The following ZCCHC7 variants were observed in gnomAD, a reference collection of about 807,000 sequenced individuals.
The protein encoded by ZCCHC7 is zinc finger CCHC domain-containing protein 7.
In ZCCHC7, 35 loss-of-function variants were observed where a neutral mutation model predicts 52.0. That is an observed-to-expected ratio of 0.67 (90% CI 0.51 to 0.89). The LOEUF is 0.89. Among genes scored for constraint, ZCCHC7 ranks in the 40% least tolerant of loss-of-function variants. ZCCHC7 has a pLI of 0.00. For synonymous variants in ZCCHC7, 217 were observed against 221.5 expected, an observed-to-expected ratio of 0.98 and a Z score of 0.18; for missense variants, 574 against 649.1, an observed-to-expected ratio of 0.88 and a Z score of 1.26.
chr9:37,228,784 T>A (rs893064320), intron 2 of ZCCHC7, among the ~76,000 whole-genome samples: 2 of 151,662 alleles, frequency 1.3e-5, no homozygotes, highest in Non-Finnish European at 2.9e-5. Context: ...TATTTCTGCA[T>A]ACTTCTACCC....
chr9:37,220,464 C>CGAAATAACCTTCAGGAGAATAA (rs1824750236), intron 2 of ZCCHC7, among the ~76,000 whole-genome samples: 4 of 152,128 alleles, frequency 2.6e-5, no homozygotes, highest in Non-Finnish European at 5.9e-5. Context: ...ATAACCTGAA[C>CGAAATAACCTTCAGGAGAATAA]CCGGGAGGCG....
At chr9:37,224,214 AT>A (rs1213642786) in intron 2 of ZCCHC7, among the ~76,000 whole-genome samples, 1 of 152,146 alleles carries the variant, frequency 6.6e-6, no homozygotes, top group Non-Finnish European at 1.5e-5. Context: ...TTACAAAATC[AT>A]TTTTAATACA....
chr9:37,182,415 C>T (rs964129831), intron 2 of ZCCHC7, among the ~76,000 whole-genome samples: 1 of 149,194 alleles, frequency 6.7e-6, no homozygotes, highest in African/African-American at 2.5e-5. Context: ...TAGTTTCGCT[C>T]TGTCACCTAG....
intron 2 of ZCCHC7, among the ~76,000 whole-genome samples, chr9:37,210,178 G>A (rs940565597): frequency 2.0e-5 from 3 of 152,086 alleles, no homozygotes; most frequent in African/African-American, 7.2e-5. Context: ...TTGTCAGGAA[G>A]GGTGTTGTGT....
intron 2 of ZCCHC7, among the ~76,000 whole-genome samples, chr9:37,236,338 T>C (rs1825646685): frequency 6.6e-6 from 1 of 152,178 alleles, no homozygotes; most frequent in Non-Finnish European, 1.5e-5. Flanking sequence ...CCATGTTATA[T>C]TTTAAAATAT....
intron 7 of ZCCHC7, 30 bp downstream of exon 7, chr9:37,349,482 C>A: frequency 6.3e-7 from 1 of 1,595,324 alleles, no homozygotes; most frequent in Non-Finnish European, 8.6e-7. Context: ...GGGCATGAAG[C>A]ATTCTGTTGT....
chr9:37,149,957 G>A (rs1323794209), intron 2 of ZCCHC7, among the ~76,000 whole-genome samples: 3 of 152,156 alleles, frequency 2.0e-5, no homozygotes, highest in South Asian at 2.1e-4. Flanking sequence ...ACTGCTTGAC[G>A]CAAACATTTT....
chr9:37,259,001 G>A (rs1826736182), intron 2 of ZCCHC7, among the ~76,000 whole-genome samples: 2 of 152,158 alleles, frequency 1.3e-5, no homozygotes, highest in Admixed American at 6.5e-5. Context: ...AAGCAGAGGA[G>A]TTTTGTAAGA....
At chr9:37,267,566 C>CTTTT (rs983055913) in intron 2 of ZCCHC7, among the ~76,000 whole-genome samples, 5 of 115,282 alleles carry the variant, frequency 4.3e-5, no homozygotes, top group Non-Finnish European at 7.1e-5. Flanking sequence ...CTAATTTTTT[C>CTTTT]TTTTTTTTTT....
chr9:37,195,691 A>C (rs574902113), intron 2 of ZCCHC7, among the ~76,000 whole-genome samples: 51 of 152,330 alleles, frequency 3.3e-4, no homozygotes, highest in African/African-American at 1.2e-3. Flanking sequence ...TTGTTTTGGG[A>C]GGCATATTTA....
rs546714255 is a variant in ZCCHC7 at position 37,279,034 on chromosome 9, A to T, written c.611-23154A>T. Among the ~76,000 whole-genome samples, 5 of 152,288 alleles carry T rather than the reference A, an allele frequency of 3.3e-5. No homozygotes were observed. In the East Asian group the frequency reaches 9.6e-4, roughly 29 times the overall value. ...TCTCTATTAAAAAAATTAAATTTAA[A>T]AGAGAAAGAATTTGTTGCCAGCTAC... On this transcript the variant is annotated intron_variant, in intron 2 of 8. Transcript: ENST00000336755.
chr9:37,247,286 A>G (rs1228342843), intron 2 of ZCCHC7, among the ~76,000 whole-genome samples: 1 of 152,190 alleles, frequency 6.6e-6, no homozygotes, highest in Non-Finnish European at 1.5e-5. Flanking sequence ...AAATGTAGTG[A>G]TATCAAGTAA....
rs747687477 is a variant in ZCCHC7 at position 37,126,569 on chromosome 9, TAGTG to T, written c.240_243del (p.Ser80ArgfsTer68). 3.1e-6 allele frequency: 5 copies of T among 1,614,180 alleles called. No individual in the cohort carries two copies. The highest frequency in any genetic ancestry group is 4.2e-6 in the Non-Finnish European group (5 of 1,180,032). ...AGAAGAAGCTAATCGTCCTTTCAGATAGTGAGGTCATCCAGCTGTCAGATGGGTC... is the reference window on the plus strand; with the variant it reads ...AGAAGAAGCTAATCGTCCTTTCAGATAGGTCATCCAGCTGTCAGATGGGTC... On this transcript the variant is annotated frameshift_variant, in exon 2 of 9. Transcript: ENST00000336755. LOFTEE classifies it high-confidence loss of function.
intron 2 of ZCCHC7, among the ~76,000 whole-genome samples, chr9:37,250,011 A>C (rs1409134942): frequency 7.2e-6 from 1 of 138,012 alleles, no homozygotes; most frequent in Admixed American, 6.8e-5. Context: ...AAGCAGTCAG[A>C]TTCTGATTCC....
At chr9:37,185,716 T>A (rs1443970065) in intron 2 of ZCCHC7, among the ~76,000 whole-genome samples, 5 of 152,170 alleles carry the variant, frequency 3.3e-5, no homozygotes, top group Non-Finnish European at 4.4e-5. Context: ...TTTTTTCTTC[T>A]TTTTCTTCTA....
At chr9:37,130,523 C>T (rs573018650) in intron 2 of ZCCHC7, among the ~76,000 whole-genome samples, 1,486 of 145,880 alleles carry the variant, frequency 0.01, 8 homozygotes, top group Non-Finnish European at 0.015. Flanking sequence ...GACAGAGTCT[C>T]GCTCTGTCGC....
chr9:37,277,442 G>A (rs1228339146), intron 2 of ZCCHC7, among the ~76,000 whole-genome samples: 1 of 151,954 alleles, frequency 6.6e-6, no homozygotes, highest in Non-Finnish European at 1.5e-5. Flanking sequence ...AGGAGTTCAA[G>A]ACCAGCCTGG....
intron 2 of ZCCHC7, among the ~76,000 whole-genome samples, chr9:37,215,512 C>T (rs935850532): frequency 1.3e-5 from 2 of 152,146 alleles, no homozygotes; most frequent in African/African-American, 2.4e-5. Context: ...AATCTGAAGT[C>T]GCAACTTAAT....
At chr9:37,235,699 C>T (rs1045610611) in intron 2 of ZCCHC7, among the ~76,000 whole-genome samples, 2 of 151,696 alleles carry the variant, frequency 1.3e-5, no homozygotes, top group Non-Finnish European at 1.5e-5. Context: ...AGGCAATTCT[C>T]CTGCCTCAGC....
Sources: gnomAD v4.1 joint callset for allele counts (sites outside exome capture counted in the v4.1 genomes callset) on GRCh38, gnomAD v4.1.1 for gene constraint, MANE v1.5 for transcripts, NCBI Gene and HGNC (gene_info 2026-07-23, HGNC 2026-07-21) for gene names.